Variants in GRID1 observed in about 807,000 individuals in gnomAD.
GRID1 encodes the protein glutamate ionotropic receptor delta type subunit 1, also known as glutamate receptor ionotropic, delta-1.
GRID1 carries 28 observed loss-of-function variants against 98.0 expected under a neutral mutation model. That is an observed-to-expected ratio of 0.29 (90% CI 0.21 to 0.39). GRID1 has a LOEUF of 0.39. GRID1 is among the 10% of genes least tolerant of loss of function. The pLI, the probability that GRID1 is intolerant of heterozygous loss-of-function variation, is 1.00. For synonymous variants in GRID1, 553 were observed against 538.5 expected (o/e 1.03, Z -0.37); for missense variants, 1,111 against 1,340.5 (o/e 0.83, Z 2.67).
intron 2 of GRID1, among the ~76,000 whole-genome samples, chr10:86,358,545 T>A (rs551875215): frequency 6.6e-6 from 1 of 151,844 alleles, no homozygotes; most frequent in South Asian, 2.1e-4. Context: ...GATCACGAGG[T>A]CAGGAGATTG....
intron 12 of GRID1, among the ~76,000 whole-genome samples, chr10:85,705,712 A>G (rs1364714041): frequency 2.6e-5 from 4 of 152,194 alleles, no homozygotes; most frequent in Admixed American, 1.3e-4. Context: ...TCCTCAATAA[A>G]ATATTGGCAA....
intron 5 of GRID1, among the ~76,000 whole-genome samples, chr10:85,870,743 G>T (rs1843270689): frequency 1.3e-5 from 2 of 152,232 alleles, no homozygotes; most frequent in Admixed American, 1.3e-4. Context: ...CCTGGGGAGG[G>T]ACAGAGCAAC....
chr10:86,058,819 A>G (rs1026512394), intron 4 of GRID1, among the ~76,000 whole-genome samples: 7 of 152,242 alleles, frequency 4.6e-5, no homozygotes, highest in African/African-American at 1.7e-4. Flanking sequence ...CACAGCTGTG[A>G]AGGGACACCA....
chr10:85,718,186 G>A (rs1841661240), intron 12 of GRID1, among the ~76,000 whole-genome samples: 2 of 152,196 alleles, frequency 1.3e-5, no homozygotes, highest in African/African-American at 4.8e-5. Context: ...GCCCCAGTAG[G>A]GACTCTGTGT....
intron 4 of GRID1, among the ~76,000 whole-genome samples, chr10:85,965,373 T>C (rs1589316518): frequency 6.6e-6 from 1 of 152,076 alleles, no homozygotes; most frequent in African/African-American, 2.4e-5. Context: ...ATAGCAAAGA[T>C]TTGGAACCAA....
intron 15 of GRID1, chr10:85,606,227 A>ACCAACT (rs1456995106): frequency 6.6e-6 from 1 of 152,200 alleles, no homozygotes; most frequent in Admixed American, 6.5e-5. Flanking sequence ...CGCAGCGGGA[A>ACCAACT]CCAACTCCCT....
At chr10:86,056,853 G>C (rs566557203) in intron 4 of GRID1, among the ~76,000 whole-genome samples, 1 of 152,230 alleles carries the variant, frequency 6.6e-6, no homozygotes, top group Non-Finnish European at 1.5e-5. Context: ...GCAATCAGGA[G>C]CCCCTAGGGC....
Position 85,956,879 on chromosome 10 carries a change from T to C in GRID1, c.727-40640A>G, listed in dbSNP as rs147947855. 6.6e-5 allele frequency among the ~76,000 whole-genome samples: 10 copies of C among 152,280 alleles called. No homozygotes were observed. The East Asian group carries it at 1.9e-3, about 29-fold the overall frequency. On this transcript the variant is annotated intron_variant, in intron 4 of 15. Coordinates refer to ENST00000327946, the MANE Select transcript of GRID1 (RefSeq NM_017551.3). ...ACTCACAGAATCACTGTGTATCAGT[T>C]CGTTTTCAGGTTGCTATGAAGACAG...
At chr10:86,136,289 G>A (rs962949659) in intron 4 of GRID1, among the ~76,000 whole-genome samples, 1 of 152,182 alleles carries the variant, frequency 6.6e-6, no homozygotes, top group Non-Finnish European at 1.5e-5. Flanking sequence ...TAGGAGATAC[G>A]TTAAAATGCT....
At chr10:86,224,166 A>C (rs913876281) in intron 2 of GRID1, among the ~76,000 whole-genome samples, 3 of 136,098 alleles carry the variant, frequency 2.2e-5, no homozygotes, top group East Asian at 2.6e-4. Flanking sequence ...CCAAGCTCCC[A>C]CCCCCGACAC....
chr10:86,026,935 C>T (rs1444283946), intron 4 of GRID1, among the ~76,000 whole-genome samples: 2 of 152,204 alleles, frequency 1.3e-5, no homozygotes, highest in African/African-American at 2.4e-5. Context: ...ACCACTCTCA[C>T]AGCTGCGTGG....
chr10:86,328,767 TC>T (rs916593417), intron 2 of GRID1, among the ~76,000 whole-genome samples: 2 of 151,610 alleles, frequency 1.3e-5, no homozygotes, highest in Non-Finnish European at 2.9e-5. Flanking sequence ...AGAACCCCGT[TC>T]CCCCCTCCAC....
intron 12 of GRID1, among the ~76,000 whole-genome samples, chr10:85,660,850 C>T (rs1840957831): frequency 1.3e-5 from 2 of 151,978 alleles, no homozygotes; most frequent in Non-Finnish European, 2.9e-5. Flanking sequence ...GCAATGGAGT[C>T]AGAGTGTGCT....
chr10:86,185,995 T>C (rs1376598656), intron 3 of GRID1, among the ~76,000 whole-genome samples: 3 of 152,236 alleles, frequency 2.0e-5, no homozygotes, highest in African/African-American at 7.2e-5. Flanking sequence ...AAATTGGTAA[T>C]ATTTCTCTCT....
chr10:85,959,048 G>C (rs753257877), intron 4 of GRID1, among the ~76,000 whole-genome samples: 2 of 152,108 alleles, frequency 1.3e-5, no homozygotes, highest in Non-Finnish European at 2.9e-5. Context: ...GTTGAGCTGG[G>C]GCATTGGTAT....
In GRID1 at chr10:86,225,237, G is replaced by A. The variant is rs563095939; in HGVS notation, c.236-18589C>T. On this transcript the variant is annotated intron_variant, in intron 2 of 15. Transcript: ENST00000327946. ...TCAGTGACTTGTCCAGGAGCCCGAG[G>A]TAAACCACAGACTAAGAGCCAAGAG... Among the ~76,000 whole-genome samples the A allele has an allele frequency of 3.4e-3, 524 of 152,222 alleles. 3 individuals are homozygous for A. Among genetic ancestry groups the A allele is most frequent in the South Asian group, 8.5e-3 (41 of 4,812 alleles).
chr10:86,324,101 C>T (rs937789857), intron 2 of GRID1, among the ~76,000 whole-genome samples: 5 of 152,132 alleles, frequency 3.3e-5, no homozygotes, highest in Non-Finnish European at 7.3e-5. Flanking sequence ...ATCGCTTGAA[C>T]CCAGGACGCA....
chr10:86,204,358 C>T (rs1010783051), intron 3 of GRID1, among the ~76,000 whole-genome samples: 1 of 152,188 alleles, frequency 6.6e-6, no homozygotes, highest in Non-Finnish European at 1.5e-5. Flanking sequence ...GCCACTCTCC[C>T]GGACTTCACT....
At chr10:85,628,323 G>A (rs906702830) in intron 13 of GRID1, among the ~76,000 whole-genome samples, 3 of 152,010 alleles carry the variant, frequency 2.0e-5, no homozygotes, top group African/African-American at 7.2e-5. Context: ...GTAAGTGTGA[G>A]GGAATGTGTG....
Sources: gnomAD v4.1 joint callset for allele counts (sites outside exome capture counted in the v4.1 genomes callset) on GRCh38, gnomAD v4.1.1 for gene constraint, MANE v1.5 for transcripts, NCBI Gene and HGNC (gene_info 2026-07-23, HGNC 2026-07-21) for gene names.